Variants in RIMBP2 observed in about 807,000 individuals in gnomAD.
The protein encoded by RIMBP2 is RIMS-binding protein 2.
A neutral mutation model predicts 118.6 loss-of-function variants in RIMBP2; 48 were observed. That is an observed-to-expected ratio of 0.40 (90% confidence interval 0.32 to 0.51). RIMBP2 has a LOEUF of 0.51. Among genes scored for constraint, RIMBP2 ranks in the 20% least tolerant of loss-of-function variants. The probability of loss-of-function intolerance (pLI) is 0.41; values close to 1 mark genes in which losing one functional copy is unlikely to be tolerated. For synonymous variants in RIMBP2, 762 were observed against 742.9 expected, an observed-to-expected ratio of 1.03 and a Z score of -0.42; for missense variants, 1,551 against 1,768.3, an observed-to-expected ratio of 0.88 and a Z score of 2.20.
intron 4 of RIMBP2, among the ~76,000 whole-genome samples, chr12:130,505,419 A>G (rs1244735681): frequency 6.7e-6 from 1 of 150,158 alleles, no homozygotes; most frequent in African/African-American, 2.5e-5. Flanking sequence ...CATTTTCATC[A>G]CTCCAAAAAG....
At chr12:130,650,314 C>T (rs938627080) in intron 1 of RIMBP2, among the ~76,000 whole-genome samples, 5 of 152,212 alleles carry the variant, frequency 3.3e-5, no homozygotes, top group Admixed American at 6.5e-5. Context: ...GACATCTGGG[C>T]ACCCTTCCGA....
chr12:130,582,145 C>T (rs1023960914), intron 2 of RIMBP2, among the ~76,000 whole-genome samples: 6 of 152,200 alleles, frequency 3.9e-5, no homozygotes, highest in Non-Finnish European at 5.9e-5. Flanking sequence ...TCTGCTGTCT[C>T]CATAGCACTC....
intron 4 of RIMBP2, among the ~76,000 whole-genome samples, chr12:130,485,872 T>G (rs11060940): frequency 0.056 from 8,469 of 152,198 alleles, 508 homozygotes; most frequent in East Asian, 0.18. Flanking sequence ...GAAGAAGTCT[T>G]TGCATTTCTA....
At chr12:130,567,983 C>T (rs1395293577) in intron 2 of RIMBP2, among the ~76,000 whole-genome samples, 1 of 152,142 alleles carries the variant, frequency 6.6e-6, no homozygotes, top group Non-Finnish European at 1.5e-5. Flanking sequence ...CATCACCTGC[C>T]ATGCACCAAT....
At chr12:130,482,293 T>TA (rs1470798216) in intron 4 of RIMBP2, among the ~76,000 whole-genome samples, 6 of 152,216 alleles carry the variant, frequency 3.9e-5, no homozygotes, top group African/African-American at 1.4e-4. Context: ...CTTCTGGATA[T>TA]TGGTTCATCG....
At chr12:130,474,418 T>G (rs778764809) in intron 5 of RIMBP2, among the ~76,000 whole-genome samples, 2 of 152,182 alleles carry the variant, frequency 1.3e-5, no homozygotes, top group Non-Finnish European at 2.9e-5. Flanking sequence ...CCTCCGCCCA[T>G]CCAGGATTTG....
In RIMBP2 at chr12:130,431,299, G is replaced by A. The variant is rs1010526060; in HGVS notation, c.2254-2962C>T. The A allele has an allele frequency of 9.1e-6, 2 of 219,920 alleles. No individual in the cohort carries two copies. The highest frequency in any genetic ancestry group is 4.5e-5 in the African/African-American group (2 of 44,038). 13.6% of individuals were successfully genotyped at this position (219,920 alleles called of 1,614,324 possible). A position where few individuals can be genotyped will look rare whatever the true frequency, so the allele number is the denominator to read the frequency against. On this transcript the variant is annotated intron_variant, in intron 14 of 22. Transcript: ENST00000690449. This position sits in a 1 kb window ranked among gnomAD's most constrained non-coding sequence, Gnocchi z 4.0. Reference sequence around the variant, plus strand: ...TTGGAGCAGATGGGATAGCGCCAGGGGGTAAGGGCTCATGTGACGGGGCGG... The same window carrying A: ...TTGGAGCAGATGGGATAGCGCCAGGAGGTAAGGGCTCATGTGACGGGGCGG...
chr12:130,626,146 C>T (rs1186710850), intron 2 of RIMBP2, among the ~76,000 whole-genome samples: 1 of 152,172 alleles, frequency 6.6e-6, no homozygotes, highest in Middle Eastern at 3.2e-3. Flanking sequence ...TAATGAGAAA[C>T]AAATGATTAC....
intron 2 of RIMBP2, among the ~76,000 whole-genome samples, chr12:130,549,916 C>T (rs532205475): frequency 6.6e-6 from 1 of 152,234 alleles, no homozygotes; most frequent in East Asian, 1.9e-4. Context: ...GCTCTTAGCT[C>T]TTTGAGGAGT....
intron 6 of RIMBP2, among the ~76,000 whole-genome samples, chr12:130,461,034 C>T (rs2079936393): frequency 6.6e-6 from 1 of 152,194 alleles, no homozygotes; most frequent in Non-Finnish European, 1.5e-5. Context: ...CCAGATAGGG[C>T]CAGTGGTTCG....
In RIMBP2 at chr12:130,478,893, C is replaced by A. The variant is rs1348606283; in HGVS notation, c.102+19G>T. 6.3e-7 allele frequency: 1 copy of A among 1,596,630 alleles called. No homozygotes were observed. Among genetic ancestry groups the A allele is most frequent in the South Asian group, 1.1e-5 (1 of 90,148 alleles). On this transcript the variant is annotated intron_variant, in intron 5 of 22. Transcript: ENST00000690449. ...GGACTCCCTGCCTCGCACGCCGCGCCCGGCTGCCCGCCGCTTACCTTCTGC... is the reference window on the plus strand; with the variant it reads ...GGACTCCCTGCCTCGCACGCCGCGCACGGCTGCCCGCCGCTTACCTTCTGC...
intron 1 of RIMBP2, among the ~76,000 whole-genome samples, chr12:130,701,731 T>C (rs992391182): frequency 1.3e-5 from 2 of 152,110 alleles, no homozygotes; most frequent in Non-Finnish European, 2.9e-5. Context: ...TCATTGTTTT[T>C]CTTCAAGATC....
chr12:130,507,677 G>C (rs182789458), intron 3 of RIMBP2, among the ~76,000 whole-genome samples: 5 of 152,278 alleles, frequency 3.3e-5, no homozygotes, highest in African/African-American at 1.2e-4. Context: ...AACAAGTAAG[G>C]GGATGCTGTC....
rs2138917544 is a variant in RIMBP2, at chr12:130,511,033, T to C, written c.-126-4263A>G. Among the ~76,000 whole-genome samples the C allele has an allele frequency of 6.6e-6, 1 of 152,304 alleles. No homozygotes were observed. The highest frequency in any genetic ancestry group is 1.9e-4 in the East Asian group (1 of 5,182). Reference sequence around the variant, plus strand: ...TTCCTAAAGTCTGTGAATATATCACTTTTTGTGGCAGAACGGACCCTGAAG... The same window carrying C: ...TTCCTAAAGTCTGTGAATATATCACCTTTTGTGGCAGAACGGACCCTGAAG... On this transcript the variant is annotated intron_variant, in intron 3 of 22. Transcript: ENST00000690449. This position sits in a 1 kb window ranked among gnomAD's most constrained non-coding sequence, Gnocchi z 4.3.
In RIMBP2 at chr12:130,450,846, G is replaced by A. The variant is rs1005748292; in HGVS notation, c.504+349C>T. ...TCCCATCAATGCCACAGGACAGGACGCGCAGGGCCCTCCCCAACCTCCACA... is the reference window on the plus strand; with the variant it reads ...TCCCATCAATGCCACAGGACAGGACACGCAGGGCCCTCCCCAACCTCCACA... On this transcript the variant is annotated intron_variant, in intron 8 of 22. Transcript: ENST00000690449. This position sits in a 1 kb window ranked among gnomAD's most constrained non-coding sequence, Gnocchi z 4.8. Among the ~76,000 whole-genome samples, 2 of 151,950 alleles carry A rather than the reference G, an allele frequency of 1.3e-5. No homozygotes were observed. The highest frequency in any genetic ancestry group is 2.9e-5 in the Non-Finnish European group (2 of 67,992).
intron 2 of RIMBP2, among the ~76,000 whole-genome samples, chr12:130,610,228 G>GA (rs1440418564): frequency 6.6e-6 from 1 of 151,616 alleles, no homozygotes; most frequent in Non-Finnish European, 1.5e-5. Flanking sequence ...CGTTCTGGGG[G>GA]AAAATGGGAA....
At chr12:130,502,571 A>C (rs1395785337) in intron 4 of RIMBP2, among the ~76,000 whole-genome samples, 2 of 151,984 alleles carry the variant, frequency 1.3e-5, no homozygotes, top group Admixed American at 1.3e-4. Context: ...TCTGCTCAAC[A>C]TGTAGGTCTA....
At position 130,447,245 on chromosome 12, in the gene RIMBP2, C is replaced by T. The variant is rs918409910; in HGVS notation, c.582-1976G>A. On this transcript the variant is annotated intron_variant, in intron 9 of 22. Transcript: ENST00000690449. This position sits in a 1 kb window ranked among gnomAD's most constrained non-coding sequence, Gnocchi z 4.4. ...CGGAGGCCAAGAGGGAAGGTGAACA[C>T]CGAGAAGGGTGGAAGAAGGTCCCTG... Among the ~76,000 whole-genome samples, 7 of 151,908 alleles carry T rather than the reference C, an allele frequency of 4.6e-5. No homozygotes were observed. Among genetic ancestry groups the T allele is most frequent in the South Asian group, 4.2e-4 (2 of 4,780 alleles).
In RIMBP2 at chr12:130,701,995, A is replaced by G. The variant is rs554599211; in HGVS notation, c.-352+14227T>C. Among the ~76,000 whole-genome samples, 1,024 of 152,258 alleles carry G rather than the reference A, an allele frequency of 6.7e-3. 1 individual carries two copies. The highest frequency in any genetic ancestry group is 0.01 in the Non-Finnish European group (691 of 68,022). On this transcript the variant is annotated intron_variant, in intron 1 of 22. Transcript: ENST00000690449. ...ACCAAAACATAATGCGGCACGAAAG[A>G]GGCCCCCATGTGGATGTTGCTCCCT... is the stretch of plus-strand genomic sequence containing the variant.
Sources: gnomAD v4.1 joint callset for allele counts (sites outside exome capture counted in the v4.1 genomes callset) on GRCh38, gnomAD v4.1.1 for gene constraint, Gnocchi (gnomAD v3.1) non-coding constraint, MANE v1.5 for transcripts, NCBI Gene and HGNC (gene_info 2026-07-23, HGNC 2026-07-21) for gene names.